Variants in GRID1 observed in about 807,000 individuals in gnomAD.
GRID1 encodes glutamate ionotropic receptor delta type subunit 1, also known as glutamate receptor ionotropic, delta-1.
GRID1 carries 28 observed loss-of-function variants against 98.0 expected under a neutral mutation model. The ratio of observed to expected loss-of-function variants is 0.29; its 90% CI spans 0.21 to 0.39. The LOEUF is 0.39. GRID1 is among the 10% of genes least tolerant of loss of function. GRID1 has a pLI of 1.00. For missense variants in GRID1, 1,111 were observed against 1,340.5 expected (o/e 0.83, Z 2.67); for synonymous variants, 553 against 538.5 (o/e 1.03, Z -0.37).
intron 4 of GRID1, among the ~76,000 whole-genome samples, chr10:85,973,098 C>T (rs1842428300): frequency 6.6e-6 from 1 of 152,180 alleles, no homozygotes; most frequent in Non-Finnish European, 1.5e-5. Context: ...GAACCTTATT[C>T]ATTCCGATGT....
chr10:85,604,249 C>T (rs1842623890), intron 15 of GRID1, among the ~76,000 whole-genome samples: 1 of 152,200 alleles, frequency 6.6e-6, no homozygotes, highest in South Asian at 2.1e-4. Flanking sequence ...CATGGTTTGG[C>T]TTCTGATGAG....
chr10:86,177,295 C>T (rs568931589), intron 3 of GRID1, among the ~76,000 whole-genome samples: 35 of 152,336 alleles, frequency 2.3e-4, no homozygotes, highest in Admixed American at 1.8e-3. Context: ...CCTCCAATTA[C>T]GGCTGCTTCT....
intron 4 of GRID1, among the ~76,000 whole-genome samples, chr10:86,123,643 T>C (rs990547113): frequency 6.6e-5 from 10 of 152,188 alleles, no homozygotes; most frequent in African/African-American, 1.9e-4. Flanking sequence ...GTTTGTGTGG[T>C]TGGGGTTTGT....
intron 4 of GRID1, among the ~76,000 whole-genome samples, chr10:86,013,012 C>T (rs1198117917): frequency 1.3e-5 from 2 of 152,128 alleles, no homozygotes; most frequent in African/African-American, 4.8e-5. Context: ...TTGACTAATC[C>T]TAATTCCTGG....
intron 8 of GRID1, among the ~76,000 whole-genome samples, chr10:85,834,715 T>A (rs959638580): frequency 6.6e-6 from 1 of 152,148 alleles, no homozygotes; most frequent in Non-Finnish European, 1.5e-5. Context: ...AATAAACTGA[T>A]AAGTCACATA....
intron 8 of GRID1, among the ~76,000 whole-genome samples, chr10:85,743,049 A>T (rs1202149365): frequency 7.7e-6 from 1 of 129,572 alleles, no homozygotes; most frequent in Non-Finnish European, 1.6e-5. Context: ...CACCAGTGTG[A>T]TAACCAAAAA....
intron 6 of GRID1, among the ~76,000 whole-genome samples, chr10:85,860,298 A>G (rs1843152811): frequency 6.6e-6 from 1 of 152,218 alleles, no homozygotes; most frequent in African/African-American, 2.4e-5. Context: ...ACCTAGGAAC[A>G]CTGCAGCATA....
chr10:86,033,740 A>T (rs112069124), intron 4 of GRID1, among the ~76,000 whole-genome samples: 1 of 152,356 alleles, frequency 6.6e-6, no homozygotes, highest in Non-Finnish European at 1.5e-5. Flanking sequence ...CTCTCCCATC[A>T]CACCCACAGA....
At chr10:85,816,369 C>G (rs928134616) in intron 8 of GRID1, among the ~76,000 whole-genome samples, 11 of 152,134 alleles carry the variant, frequency 7.2e-5, no homozygotes, top group African/African-American at 2.7e-4. Flanking sequence ...AATTACAGAA[C>G]AGCATAAATG....
At chr10:85,836,981 C>T (rs1463924638) in intron 8 of GRID1, among the ~76,000 whole-genome samples, 1 of 152,164 alleles carries the variant, frequency 6.6e-6, no homozygotes, top group African/African-American at 2.4e-5. Context: ...TTGCAGCTTC[C>T]CCTGAGCCCA....
At chr10:86,332,011 G>A (rs1034363849) in intron 2 of GRID1, among the ~76,000 whole-genome samples, 2 of 152,206 alleles carry the variant, frequency 1.3e-5, no homozygotes, top group East Asian at 1.9e-4. Context: ...CAGACCAGAC[G>A]GAGGCTGCAG....
intron 4 of GRID1, among the ~76,000 whole-genome samples, chr10:86,029,672 A>T (rs999241637): frequency 6.6e-6 from 1 of 152,084 alleles, no homozygotes; most frequent in Admixed American, 6.6e-5. Context: ...CTATATTTAG[A>T]CTAACCTTGC....
intron 8 of GRID1, among the ~76,000 whole-genome samples, chr10:85,770,432 A>C (rs1321843307): frequency 6.6e-6 from 1 of 152,250 alleles, no homozygotes; most frequent in East Asian, 1.9e-4. Context: ...CCTCCTCCAA[A>C]GGAATGCAGC....
intron 2 of GRID1, among the ~76,000 whole-genome samples, chr10:86,290,042 G>A (rs1847491047): frequency 6.6e-6 from 1 of 152,224 alleles, no homozygotes; most frequent in Admixed American, 6.5e-5. Flanking sequence ...GCTAGATCCA[G>A]CCATGCCTGA....
chr10:85,764,286 T>TC (rs919245750), intron 8 of GRID1, among the ~76,000 whole-genome samples: 3 of 151,916 alleles, frequency 2.0e-5, no homozygotes, highest in African/African-American at 7.3e-5. Context: ...CAGCACAGAA[T>TC]CCCCCCGAGG....
chr10:85,815,118 C>T (rs190881079), intron 8 of GRID1, among the ~76,000 whole-genome samples: 3 of 152,110 alleles, frequency 2.0e-5, no homozygotes, highest in East Asian at 1.9e-4. Flanking sequence ...TGCTGGAATT[C>T]GCCATATGAT....
At chr10:86,260,892 T>C (rs1270201720) in intron 2 of GRID1, among the ~76,000 whole-genome samples, 2 of 152,210 alleles carry the variant, frequency 1.3e-5, no homozygotes, top group African/African-American at 4.8e-5. Flanking sequence ...ATGTTTTGTA[T>C]TTTCTGCTTT....
At chr10:86,167,131 G>A (rs1205579087) in intron 3 of GRID1, among the ~76,000 whole-genome samples, 1 of 152,204 alleles carries the variant, frequency 6.6e-6, no homozygotes, top group Non-Finnish European at 1.5e-5. Flanking sequence ...TCTTATCAGG[G>A]AGACCTGAGG....
At chr10:86,165,280 G>A (rs1231004801) in intron 3 of GRID1, among the ~76,000 whole-genome samples, 1 of 152,210 alleles carries the variant, frequency 6.6e-6, no homozygotes, top group South Asian at 2.1e-4. Context: ...CTGAGATGAG[G>A]CCAAGACAAA....
Sources: allele counts gnomAD v4.1 joint callset (sites outside exome capture counted in the v4.1 genomes callset), GRCh38; gene constraint gnomAD v4.1.1; transcripts MANE v1.5; gene names NCBI Gene and HGNC (gene_info 2026-07-23, HGNC 2026-07-21).